CTC1: variants seen among roughly 807,000 people sequenced by gnomAD.
CTC1 encodes the protein CST complex subunit CTC1.
Under a neutral mutation model 136.3 loss-of-function variants are expected in CTC1, and 91 were observed. That is an observed-to-expected ratio of 0.67 (90% CI 0.56 to 0.79). The LOEUF is 0.79. CTC1 is among the 30% of genes least tolerant of loss of function. CTC1 has a pLI of 0.00. For synonymous variants in CTC1, 606 were observed against 613.8 expected (o/e 0.99, Z 0.19); for missense variants, 1,432 against 1,498.1 (o/e 0.96, Z 0.73).
In CTC1 at chr17:8,238,019, G is replaced by A; in HGVS notation, c.647+12C>T. The A allele has an allele frequency of 1.9e-6, 3 of 1,606,948 alleles. No individual in the cohort carries two copies. Among genetic ancestry groups the A allele is most frequent in the Non-Finnish European group, 2.6e-6 (3 of 1,174,834 alleles). Reference sequence around the variant, plus strand: ...TTACAGCGCCCCTGCCATGCCTAGAGGGGGAAATTACCTGAGCCTGAGCAG... The same window carrying A: ...TTACAGCGCCCCTGCCATGCCTAGAAGGGGAAATTACCTGAGCCTGAGCAG... On this transcript the variant is annotated intron_variant, in intron 4 of 22. Transcript: ENST00000651323.
intron 2 of CTC1, among the ~76,000 whole-genome samples, chr17:8,242,323 G>GCAC (rs1207123102): frequency 6.6e-6 from 1 of 151,908 alleles, no homozygotes; most frequent in African/African-American, 2.4e-5. Flanking sequence ...ATGAGCCACT[G>GCAC]CACCTGGCCA....
chr17:8,226,582 GGTCA>G lies in CTC1; in HGVS notation c.*1594_*1597del, dbSNP rs886053597. On this transcript the variant is annotated 3_prime_UTR_variant, in exon 23 of 23. Transcript: ENST00000651323. Reference sequence around the variant, plus strand: ...ATCATCCCATCCTGGAGAGAAATATGGTCAGTATGCTGAAGAAAAAAATATGACG... The same window carrying G: ...ATCATCCCATCCTGGAGAGAAATATGGTATGCTGAAGAAAAAAATATGACG... The G allele has an allele frequency of 1.3e-5, 2 of 151,632 alleles. No individual in the cohort carries two copies. Among genetic ancestry groups the G allele is most frequent in the East Asian group, 3.9e-4 (2 of 5,182 alleles). 9.4% of individuals were successfully genotyped at this position (151,632 alleles called of 1,614,324 possible).
At position 8,231,027 on chromosome 17, in the gene CTC1, G is replaced by C. The variant is rs1987172113; in HGVS notation, c.2669+249C>G. 8.1e-6 allele frequency: 4 copies of C among 490,972 alleles called. No individual in the cohort carries two copies. In the South Asian group the frequency reaches 1.3e-4, roughly 16 times the overall value. The allele number at this position is 490,972 out of a possible 1,614,324, so 30.4% of individuals were successfully genotyped here. On this transcript the variant is annotated intron_variant, in intron 15 of 22. Coordinates refer to ENST00000651323, the MANE Select transcript of CTC1 (RefSeq NM_025099.6). Reference sequence around the variant, plus strand: ...GGTGGCGTGCACCCCTATAATCCCAGCTATTTGGGAGGCTGATGCAGGATA... The same window carrying C: ...GGTGGCGTGCACCCCTATAATCCCACCTATTTGGGAGGCTGATGCAGGATA...
At chr17:8,242,531 GAGA>G (rs1167642990) in intron 2 of CTC1, among the ~76,000 whole-genome samples, 4 of 79,730 alleles carry the variant, frequency 5.0e-5, no homozygotes, top group East Asian at 3.3e-4. Flanking sequence ...ATAGTGTAGA[GAGA>G]AAAAAAAAAA....
At chr17:8,242,132 C>T (rs1195174680) in intron 2 of CTC1, among the ~76,000 whole-genome samples, 3 of 152,052 alleles carry the variant, frequency 2.0e-5, no homozygotes, top group Non-Finnish European at 2.9e-5. Context: ...CGGGTTCAAG[C>T]GATTCTCCTG....
Position 8,231,371 on chromosome 17 carries a change from C to T in CTC1, c.2574G>A (p.Trp858Ter). The T allele has an allele frequency of 6.2e-7, 1 of 1,613,298 alleles. No homozygotes were observed. Among genetic ancestry groups the T allele is most frequent in the Non-Finnish European group, 8.5e-7 (1 of 1,179,354 alleles). Residue 858 changes from tryptophan to a stop codon, truncating the protein, a stop_gained, in exon 15 of 23, where the codon TGG becomes TGA. Coordinates refer to ENST00000651323, the MANE Select transcript of CTC1 (RefSeq NM_025099.6). LOFTEE classifies it high-confidence loss of function. ...CASCLTVQDNWTLELESSQDI... is the reference protein window; with the variant it reads ...CASCLTVQDN Reference sequence around the variant, plus strand: ...CCTGGGAGCTTTCAAGCTCCAGAGTCCAGTTGTCCTGGACAGTGAGGCAGG... The same window carrying T: ...CCTGGGAGCTTTCAAGCTCCAGAGTTCAGTTGTCCTGGACAGTGAGGCAGG...
At chr17:8,234,094 A>C (rs1168275194) in intron 10 of CTC1, among the ~76,000 whole-genome samples, 1 of 152,034 alleles carries the variant, frequency 6.6e-6, no homozygotes, top group East Asian at 1.9e-4. Flanking sequence ...AAGCAATCCT[A>C]CCTCAGCCTC....
chr17:8,232,985 T>C lies in CTC1; in HGVS notation c.1866A>G (p.Gln622=), dbSNP rs1987375159. 1.2e-6 allele frequency: 2 copies of C among 1,614,186 alleles called. No individual in the cohort carries two copies. The highest frequency in any genetic ancestry group is 1.7e-6 in the Non-Finnish European group (2 of 1,180,034). ...LVASSHKGCL[Q]LRDQSGSLPC... Reference sequence around the variant, plus strand: ...GCAGGGAACCACTTTGGTCCCGAAGTTGCAGACAACCTTTATGAGATGAAG... The same window carrying C: ...GCAGGGAACCACTTTGGTCCCGAAGCTGCAGACAACCTTTATGAGATGAAG... The change falls in exon 11 of 23, where the codon CAA becomes CAG. Residue 622 remains glutamine (Q), a synonymous_variant. Transcript: ENST00000651323.
chr17:8,225,313 G>C lies in CTC1; in HGVS notation c.*2867C>G, dbSNP rs1986545083. The C allele has an allele frequency of 6.6e-6, 1 of 152,250 alleles. No homozygotes were observed. Among genetic ancestry groups the C allele is most frequent in the Admixed American group, 6.5e-5 (1 of 15,286 alleles). 9.4% of individuals were successfully genotyped at this position (152,250 alleles called of 1,614,324 possible). The stretch of plus-strand genomic sequence containing the variant: ...TTGGTTCTGCACAGGGTCCAGCCCA[G>C]TGCTTGGCACAAACGTGGTCTCGGC... On this transcript the variant is annotated 3_prime_UTR_variant, in exon 23 of 23. Coordinates refer to ENST00000651323, the MANE Select transcript of CTC1 (RefSeq NM_025099.6).
In CTC1 at chr17:8,231,898, T is replaced by TA. The variant is rs1216559537; in HGVS notation, c.2385+4_2385+5insT. The TA allele has an allele frequency of 1.9e-6, 3 of 1,613,680 alleles. No homozygotes were observed. The highest frequency in any genetic ancestry group is 2.5e-6 in the Non-Finnish European group (3 of 1,179,824). On this transcript the variant is annotated splice_donor_region_variant and intron_variant, in intron 13 of 22. Transcript: ENST00000651323. ...AGGTCCTGGGTCCCTGGAGTCCCAGTTTACCTTCTGATCATTGTCGTCATT... is the reference window on the plus strand; with the variant it reads ...AGGTCCTGGGTCCCTGGAGTCCCAGTATTACCTTCTGATCATTGTCGTCATT...
chr17:8,231,150 C>CA lies in CTC1; in HGVS notation c.2669+125dup, dbSNP rs1270138559. On this transcript the variant is annotated intron_variant, in intron 15 of 22. Transcript: ENST00000651323. ...AGTGAGACTCCGTCTCAAAAAAAAA[C>CA]AAACAAAAACAACAATAACAAAAGA... 6.2e-6 allele frequency: 5 copies of CA among 810,070 alleles called. No individual in the cohort carries two copies. The African/African-American group carries it at 7.0e-5, about 11-fold the overall frequency. 50.2% of individuals were successfully genotyped at this position (810,070 alleles called of 1,614,324 possible).
chr17:8,241,418 G>A (rs932857453), intron 2 of CTC1, among the ~76,000 whole-genome samples: 6 of 152,016 alleles, frequency 3.9e-5, no homozygotes, highest in African/African-American at 7.2e-5. Context: ...TCAGGAATTC[G>A]ATACCAGTAC....
intron 17 of CTC1, 33 bp downstream of exon 17, chr17:8,230,261 C>T (rs755474290): frequency 1.3e-6 from 2 of 1,586,058 alleles, no homozygotes; most frequent in Non-Finnish European, 1.7e-6. Flanking sequence ...ACATCAGTAG[C>T]AAGAGGAGGC....
At chr17:8,247,902 C>A in intron 1 of CTC1, 102 bp downstream of exon 1, 1 of 1,258,614 alleles carries the variant, frequency 7.9e-7, no homozygotes, top group Non-Finnish European at 1.1e-6. Context: ...GGGCCGGACG[C>A]GGCCAGCGAG....
chr17:8,230,557 C>A lies in CTC1; in HGVS notation c.2758+6G>T. Reference sequence around the variant, plus strand: ...CATACCTTCCCCACAAAGGAAGGGTCATTACCCAGTTTCATCCAGAGAGAC... The same window carrying A: ...CATACCTTCCCCACAAAGGAAGGGTAATTACCCAGTTTCATCCAGAGAGAC... On this transcript the variant is annotated splice_donor_region_variant and intron_variant, in intron 16 of 22. Transcript: ENST00000651323. 1 of 1,613,948 alleles carries A rather than the reference C, an allele frequency of 6.2e-7. No individual in the cohort carries two copies. The highest frequency in any genetic ancestry group is 1.1e-5 in the South Asian group (1 of 91,070).
chr17:8,233,293 AGACG>A (rs1987405014), intron 10 of CTC1: 1 of 403,972 alleles, frequency 2.5e-6, no homozygotes, highest in African/African-American at 2.1e-5. Flanking sequence ...GGACACAATG[AGACG>A]TTTGATTTTA....
At chr17:8,233,132 G>A (rs1390199896) in intron 10 of CTC1, 100 bp from the exon 11 acceptor site, 24 of 1,309,330 alleles carry the variant, frequency 1.8e-5, no homozygotes, top group Admixed American at 4.9e-5. Context: ...GCTACAAAAT[G>A]AACAAAAAAG....
In CTC1 at chr17:8,242,998, G is replaced by T; in HGVS notation, c.184C>A (p.Pro62Thr). 6.2e-7 allele frequency: 1 copy of T among 1,612,190 alleles called. No homozygotes were observed. The highest frequency in any genetic ancestry group is 8.5e-7 in the Non-Finnish European group (1 of 1,179,162). The change falls in exon 2 of 23, where the codon CCC becomes ACC. Residue 62 changes from proline to threonine, a missense_variant. By Grantham distance (38) the Pro-to-Thr change is conservative. Coordinates refer to ENST00000651323, the MANE Select transcript of CTC1 (RefSeq NM_025099.6). ...ACCTCTCCTTACCTATAGCTGAGGG[G>T]CAGTGTAGAACCTTGGTTCCTTCCC... ...SQGRNQGSTLPLSYSFVSVQD... is the reference protein window; with the variant it reads ...SQGRNQGSTLTLSYSFVSVQD...
chr17:8,231,728 C>G lies in CTC1; in HGVS notation c.2473G>C (p.Ala825Pro), dbSNP rs915406565. ...QVYRLIAPGP[A>P]TPMLFEKDGS... Reference sequence around the variant, plus strand: ...GTATGATGAAGTAGGACACTCACAGCGGGGCCAGGAGCTATGAGTCGGTAC... The same window carrying G: ...GTATGATGAAGTAGGACACTCACAGGGGGGCCAGGAGCTATGAGTCGGTAC... Residue 825 changes from alanine to proline, a missense_variant and splice_region_variant, in exon 14 of 23, where the codon GCT becomes CCT. Coordinates refer to ENST00000651323, the MANE Select transcript of CTC1 (RefSeq NM_025099.6). The G allele has an allele frequency of 9.3e-6, 15 of 1,613,672 alleles. No homozygotes were observed. The highest frequency in any genetic ancestry group is 1.3e-5 in the African/African-American group (1 of 75,032).
Sources: allele counts gnomAD v4.1 joint callset (sites outside exome capture counted in the v4.1 genomes callset), GRCh38; gene constraint gnomAD v4.1.1; transcripts MANE v1.5; gene names NCBI Gene and HGNC (gene_info 2026-07-23, HGNC 2026-07-21).